HR: variants seen among roughly 807,000 people sequenced by gnomAD.
HR encodes the protein lysine-specific demethylase hairless.
In HR, 83 loss-of-function variants were observed where a neutral mutation model predicts 128.6. The ratio of observed to expected loss-of-function variants is 0.65; its 90% CI spans 0.54 to 0.77. HR has a LOEUF of 0.77. Ranked by LOEUF, HR falls within the 30% of genes least tolerant of loss-of-function variation. The pLI is 0.00. For synonymous variants in HR, 681 were observed against 658.2 expected (o/e 1.03, Z -0.53); for missense variants, 1,490 against 1,574.6 (o/e 0.95, Z 0.91).
At position 22,116,256 on chromosome 8, in the gene HR, G is replaced by A. The variant is rs773918798; in HGVS notation, c.3507+44C>T. On this transcript the variant is annotated intron_variant, in intron 18 of 18. Transcript: ENST00000381418. This position sits in a 1 kb window ranked among gnomAD's most constrained non-coding sequence, Gnocchi z 4.2. Reference sequence around the variant, plus strand: ...GCAGCTGTGGCACAGGGAGGTGGGAGGCTTGGGTAGCACACCCAGCCTGCT... The same window carrying A: ...GCAGCTGTGGCACAGGGAGGTGGGAAGCTTGGGTAGCACACCCAGCCTGCT... 2.6e-5 allele frequency: 42 copies of A among 1,610,842 alleles called. No homozygotes were observed. The highest frequency in any genetic ancestry group is 3.5e-5 in the Non-Finnish European group (41 of 1,179,592).
In HR at chr8:22,117,025, C is replaced by CCCGG. The variant is rs750832509; in HGVS notation, c.3224_3227dup (p.Ala1077ArgfsTer69). The CCCGG allele has an allele frequency of 6.6e-7, 1 of 1,507,604 alleles. No homozygotes were observed. The highest frequency in any genetic ancestry group is 2.2e-5 in the Admixed American group (1 of 45,694). 93.4% of individuals were successfully genotyped at this position (1,507,604 alleles called of 1,614,324 possible). On this transcript the variant is annotated frameshift_variant, in exon 17 of 19. Transcript: ENST00000381418. LOFTEE classifies it high-confidence loss of function. ...GGGCGCCAGGCTCCAGGGCGCCTGC[C>CCCGG]CCGGCCGGGCACACCTCAAAGAAGA... is the stretch of plus-strand genomic sequence containing the variant.
At position 22,122,769 on chromosome 8, in the gene HR, C is replaced by T. The variant is rs370971948; in HGVS notation, c.2005+21G>A. On this transcript the variant is annotated intron_variant, in intron 7 of 18. Transcript: ENST00000381418. Reference sequence around the variant, plus strand: ...CTCAGGACCCAACCTCTGCACGCCCCACCCCTCCAAGATGGCTCACCCTGG... The same window carrying T: ...CTCAGGACCCAACCTCTGCACGCCCTACCCCTCCAAGATGGCTCACCCTGG... 19 of 1,548,678 alleles carry T rather than the reference C, an allele frequency of 1.2e-5. No homozygotes were observed. The African/African-American group carries it at 2.1e-4, about 17-fold the overall frequency.
In HR at chr8:22,130,484, G is replaced by C. The variant is rs1302722101; in HGVS notation, c.-97C>G. 6.6e-6 allele frequency: 1 copy of C among 152,196 alleles called. No homozygotes were observed. The highest frequency in any genetic ancestry group is 1.9e-4 in the East Asian group (1 of 5,190). 9.4% of individuals were successfully genotyped at this position (152,196 alleles called of 1,614,324 possible). On this transcript the variant is annotated 5_prime_UTR_variant, in exon 1 of 19. Coordinates refer to ENST00000381418, the MANE Select transcript of HR (RefSeq NM_005144.5). ...GGTGGCGGTCGTCGTGGCCGGCACC[G>C]GGCGCCTGCTCCCCATGGGCCAGCT...
chr8:22,125,807 C>A (rs1826875394), intron 3 of HR, 75 bp from the exon 4 acceptor site: 3 of 1,513,876 alleles, frequency 2.0e-6, no homozygotes, highest in Non-Finnish European at 2.7e-6. Flanking sequence ...CCTTAGCGCC[C>A]ACCCCATCCA....
At chr8:22,118,896 C>A in intron 16 of HR, 54 bp downstream of exon 16, 4 of 1,496,064 alleles carry the variant, frequency 2.7e-6, no homozygotes, top group Non-Finnish European at 3.7e-6. Flanking sequence ...TGGGACTGGA[C>A]GAGCTTCTAG....
intron 5 of HR, among the ~76,000 whole-genome samples, chr8:22,124,357 A>G (rs946290000): frequency 3.9e-5 from 6 of 152,170 alleles, no homozygotes; most frequent in Admixed American, 1.3e-4. Context: ...GGCCTCCCAA[A>G]GTGCTGGGAT....
chr8:22,127,403 C>G lies in HR; in HGVS notation c.1039G>C (p.Gly347Arg). The change falls in exon 3 of 19, where the codon GGC becomes CGC. Residue 347 changes from glycine (G) to arginine (R), a missense_variant. By Grantham distance (125) the Gly-to-Arg change is moderately radical. Around this residue, in one of 3 missense-constraint regions of HR, gnomAD observed 1,060 missense variants for 1,060.9 expected, o/e 1.00. Coordinates refer to ENST00000381418, the MANE Select transcript of HR (RefSeq NM_005144.5). ...GLGPCGKCQEGLEGGASGASE... is the reference protein window; with the variant it reads ...GLGPCGKCQERLEGGASGASE... ...GCTCCACTGGCACCCCCCTCCAGGC[C>G]CTCCTGGCACTTCCCACAAGGGCCA... 1 of 1,613,268 alleles carries G rather than the reference C, an allele frequency of 6.2e-7. No homozygotes were observed. Among genetic ancestry groups the G allele is most frequent in the Non-Finnish European group, 8.5e-7 (1 of 1,179,902 alleles).
Position 22,116,874 on chromosome 8 carries a change from C to G in HR, c.3378+1G>C. ...CAGAGCCCCTGCCCGCTGGGAAGCA[C>G]CTGGTGGGGAGCCCCTGCAGGCACC... On this transcript the variant is annotated splice_donor_variant, in intron 17 of 18. Transcript: ENST00000381418. LOFTEE classifies it high-confidence loss of function. The surrounding 1 kb of genome is among the most constrained non-coding windows in gnomAD (Gnocchi z 4.2). 6.4e-7 allele frequency: 1 copy of G among 1,570,832 alleles called. No individual in the cohort carries two copies.
chr8:22,120,586 G>A (rs1044420907), intron 11 of HR, 79 bp from the exon 12 acceptor site: 2 of 1,597,186 alleles, frequency 1.3e-6, no homozygotes, highest in African/African-American at 2.7e-5. Context: ...TGTTGTAAGG[G>A]CAGTAGAACA....
In HR at chr8:22,128,712, C is replaced by T. The variant is rs746042936; in HGVS notation, c.459G>A (p.Glu153=). ...CPFLLETKIL[E]RAPFWVPTCL... The stretch of plus-strand genomic sequence containing the variant: ...AGGTGGGCACCCAGAAGGGAGCTCG[C>T]TCCAGGATCTTGGTCTCCAGAAGGA... Residue 153 remains glutamate (E), a synonymous_variant, in exon 2 of 19, where the codon GAG becomes GAA. Transcript: ENST00000381418. 1 of 1,584,122 alleles carries T rather than the reference C, an allele frequency of 6.3e-7. No homozygotes were observed. Among genetic ancestry groups the T allele is most frequent in the Non-Finnish European group, 8.6e-7 (1 of 1,165,490 alleles).
chr8:22,124,905 G>A (rs1826845276), intron 5 of HR, among the ~76,000 whole-genome samples: 1 of 152,120 alleles, frequency 6.6e-6, no homozygotes, highest in Admixed American at 6.5e-5. Context: ...GGAGCCCCGG[G>A]GGTCTCCACC....
Position 22,120,451 on chromosome 8 carries a change from T to C in HR, c.2667A>G (p.Glu889=), listed in dbSNP as rs1322158500. The change falls in exon 12 of 19, where the codon GAA becomes GAG. Residue 889 remains glutamate, a synonymous_variant. Transcript: ENST00000381418. The part of the protein sequence containing the change: ...RTLQGNLWGT[E]ALGALGGQVQ... ...CCTGGCCTCCAAGTGCCCCAAGAGC[T>C]TCTGTCCCCCACAGGTTGCCCTGCA... is the stretch of plus-strand genomic sequence containing the variant. The C allele has an allele frequency of 6.2e-7, 1 of 1,614,004 alleles. No individual in the cohort carries two copies. Among genetic ancestry groups the C allele is most frequent in the Non-Finnish European group, 8.5e-7 (1 of 1,180,004 alleles).
In HR at chr8:22,118,698, G is replaced by A. The variant is rs1826652691; in HGVS notation, c.3213+252C>T. On this transcript the variant is annotated intron_variant, in intron 16 of 18. Transcript: ENST00000381418. ...GCCCTAGCACCACGTCCAGCCTCGGGCAGCTGGTGCTCTCATTTCATCATC... is the reference window on the plus strand; with the variant it reads ...GCCCTAGCACCACGTCCAGCCTCGGACAGCTGGTGCTCTCATTTCATCATC... 5 of 570,336 alleles carry A rather than the reference G, an allele frequency of 8.8e-6. No individual in the cohort carries two copies. The Admixed American group carries it at 1.5e-4, about 17-fold the overall frequency. 35.3% of individuals were successfully genotyped at this position (570,336 alleles called of 1,614,324 possible). A position where few individuals can be genotyped will look rare whatever the true frequency, so the allele number is the denominator to read the frequency against.
chr8:22,128,389 G>C, intron 2 of HR, 170 bp downstream of exon 2: 1 of 892,426 alleles, frequency 1.1e-6, no homozygotes, highest in South Asian at 1.5e-5. Context: ...AGCTGCTCAG[G>C]GTAGGGCTTG....
rs992793004 is a variant in HR at position 22,125,836 on chromosome 8, T to C, written c.1406-104A>G. ...CCATCCACACTCAGAGCCAGCCCAG[T>C]TCCTCGCCCCAGGTCTCTGAAGCCT... On this transcript the variant is annotated intron_variant, in intron 3 of 18. Coordinates refer to ENST00000381418, the MANE Select transcript of HR (RefSeq NM_005144.5). The C allele has an allele frequency of 6.0e-6, 8 of 1,330,784 alleles. No individual in the cohort carries two copies. The African/African-American group carries it at 8.7e-5, about 15-fold the overall frequency. 82.4% of individuals were successfully genotyped at this position (1,330,784 alleles called of 1,614,324 possible).
chr8:22,121,134 C>T lies in HR; in HGVS notation c.2298G>A (p.Ala766=), dbSNP rs145225497. The T allele has an allele frequency of 1.6e-4, 264 of 1,613,924 alleles. No homozygotes were observed. Among genetic ancestry groups the T allele is most frequent in the Non-Finnish European group, 1.9e-4 (223 of 1,180,026 alleles). ...PSLCELLAST[A]VKLCLGHERI... Reference sequence around the variant, plus strand: ...GCTCATGGCCCAAGCAGAGTTTGACCGCGGTAGAAGCCAGCAGTTCGCAGA... The same window carrying T: ...GCTCATGGCCCAAGCAGAGTTTGACTGCGGTAGAAGCCAGCAGTTCGCAGA... The change falls in exon 10 of 19, where the codon GCG becomes GCA. Residue 766 remains alanine (A), a synonymous_variant. Transcript: ENST00000381418.
chr8:22,115,477 G>A lies in HR; in HGVS notation c.*223C>T, dbSNP rs954201668. On this transcript the variant is annotated 3_prime_UTR_variant, in exon 19 of 19. Coordinates refer to ENST00000381418, the MANE Select transcript of HR (RefSeq NM_005144.5). ...GGTACCATGAAAAGGGGCACAGGGT[G>A]GGGGAGATGCCAGCCTGAGAAGGAC... 8.0e-6 allele frequency: 5 copies of A among 624,340 alleles called. No individual in the cohort carries two copies. The highest frequency in any genetic ancestry group is 7.2e-5 in the African/African-American group (4 of 55,330). 38.7% of individuals were successfully genotyped at this position (624,340 alleles called of 1,614,324 possible). A position where few individuals can be genotyped will look rare whatever the true frequency, so the allele number is the denominator to read the frequency against.
rs906644607 is a variant in HR, at chr8:22,114,500, G to A, written c.*1200C>T. On this transcript the variant is annotated 3_prime_UTR_variant, in exon 19 of 19. Transcript: ENST00000381418. ...GAACAATTAGGTATGACAAGAGTGG[G>A]AGTGTTTTTCTTTGTAGGGCTGAGA... is the stretch of plus-strand genomic sequence containing the variant. 1 of 152,706 alleles carries A rather than the reference G, an allele frequency of 6.5e-6. No homozygotes were observed. The highest frequency in any genetic ancestry group is 1.5e-5 in the Non-Finnish European group (1 of 68,066). The allele number at this position is 152,706 out of a possible 1,614,324, so 9.5% of individuals were successfully genotyped here. A position where few individuals can be genotyped will look rare whatever the true frequency, so the allele number is the denominator to read the frequency against.
chr8:22,116,746 A>C lies in HR; in HGVS notation c.3378+129T>G. ...TTGGCTCCCCCGTTATCTCTTCCCCACAGCAGCGTGCGGCTCCCTGCCCTG... is the reference window on the plus strand; with the variant it reads ...TTGGCTCCCCCGTTATCTCTTCCCCCCAGCAGCGTGCGGCTCCCTGCCCTG... On this transcript the variant is annotated intron_variant, in intron 17 of 18. Transcript: ENST00000381418. This position sits in a 1 kb window ranked among gnomAD's most constrained non-coding sequence, Gnocchi z 4.2. 1 of 1,303,488 alleles carries C rather than the reference A, an allele frequency of 7.7e-7. No individual in the cohort carries two copies. Among genetic ancestry groups the C allele is most frequent in the Non-Finnish European group, 1.1e-6 (1 of 936,670 alleles). The allele number at this position is 1,303,488 out of a possible 1,614,324, so 80.7% of individuals were successfully genotyped here. A position where few individuals can be genotyped will look rare whatever the true frequency, so the allele number is the denominator to read the frequency against.
Sources: allele counts gnomAD v4.1 joint callset (sites outside exome capture counted in the v4.1 genomes callset), GRCh38; gene constraint gnomAD v4.1.1; regional missense constraint gnomAD v4.1.1; non-coding constraint Gnocchi (gnomAD v3.1); transcripts MANE v1.5; gene names NCBI Gene and HGNC (gene_info 2026-07-23, HGNC 2026-07-21).